Variants in TG observed in about 807,000 individuals in gnomAD.
The protein encoded by TG is thyroid hormones.
Under a neutral mutation model 324.7 loss-of-function variants are expected in TG, and 270 were observed. The ratio of observed to expected loss-of-function variants is 0.83; its 90% CI spans 0.75 to 0.92. The LOEUF (loss-of-function observed/expected upper bound fraction) is 0.92. Among genes scored for constraint, TG ranks in the 40% least tolerant of loss-of-function variants. The probability of loss-of-function intolerance (pLI) is 0.00; values close to 1 mark genes in which losing one functional copy is unlikely to be tolerated. For missense variants in TG, 3,591 were observed against 3,456.4 expected (o/e 1.04, Z -0.98); for synonymous variants, 1,401 against 1,327.0 (o/e 1.06, Z -1.21).
At chr8:133,110,676 A>T (rs1382990075) in intron 43 of TG, among the ~76,000 whole-genome samples, 1 of 152,218 alleles carries the variant, frequency 6.6e-6, no homozygotes, top group Non-Finnish European at 1.5e-5. Context: ...TCAAAACGTT[A>T]TTTCTAATTC....
intron 16 of TG, 73 bp from the exon 17 acceptor site, chr8:132,906,615 C>T: frequency 2.6e-6 from 4 of 1,561,062 alleles, no homozygotes; most frequent in Non-Finnish European, 3.5e-6. Flanking sequence ...GAAGGAGACA[C>T]CCACAAGCAG....
In TG at chr8:132,888,464, T is replaced by G. The variant is rs773236731; in HGVS notation, c.2657T>G (p.Phe886Cys). The G allele has an allele frequency of 8.7e-6, 14 of 1,611,424 alleles. No individual in the cohort carries two copies. The highest frequency in any genetic ancestry group is 1.0e-5 in the Non-Finnish European group (12 of 1,178,492). ...LSQYPGSYSD[F>C]STPLAHFDLR... ...CAATACCCGGGGTCCTACTCAGACTTCAGCACTCCTTTGGCACATTTTGAT... is the reference window on the plus strand; with the variant it reads ...CAATACCCGGGGTCCTACTCAGACTGCAGCACTCCTTTGGCACATTTTGAT... Residue 886 changes from phenylalanine (F) to cysteine (C), a missense_variant, in exon 10 of 48, where the codon TTC becomes TGC. Coordinates refer to ENST00000220616, the MANE Select transcript of TG (RefSeq NM_003235.5).
intron 25 of TG, among the ~76,000 whole-genome samples, chr8:132,941,148 C>T (rs1485924675): frequency 6.6e-6 from 1 of 152,210 alleles, no homozygotes; most frequent in Admixed American, 6.5e-5. Flanking sequence ...GGGTTTGGGG[C>T]CATGGCCTTG....
At chr8:133,031,954 T>G (rs1294248828) in intron 41 of TG, among the ~76,000 whole-genome samples, 1 of 152,172 alleles carries the variant, frequency 6.6e-6, no homozygotes. Flanking sequence ...CTATGCAGCA[T>G]TCACCAGGAT....
At chr8:132,912,036 C>T (rs1223036429) in intron 19 of TG, among the ~76,000 whole-genome samples, 3 of 152,270 alleles carry the variant, frequency 2.0e-5, no homozygotes, top group Admixed American at 6.5e-5. Context: ...GGAAAGAGCC[C>T]GTACATTTCT....
intron 34 of TG, among the ~76,000 whole-genome samples, chr8:132,979,513 C>A (rs1830567690): frequency 6.6e-6 from 1 of 152,184 alleles, no homozygotes; most frequent in Non-Finnish European, 1.5e-5. Flanking sequence ...ACTGTAGAAT[C>A]TATTCTTTAT....
intron 41 of TG, among the ~76,000 whole-genome samples, chr8:133,053,443 C>T (rs752881154): frequency 5.9e-5 from 9 of 152,190 alleles, no homozygotes; most frequent in Non-Finnish European, 1.3e-4. Context: ...CCCTTAAATA[C>T]AGCTGTCAAG....
chr8:132,916,032 G>A (rs1418920479), intron 20 of TG, among the ~76,000 whole-genome samples: 1 of 152,136 alleles, frequency 6.6e-6, no homozygotes, highest in Non-Finnish European at 1.5e-5. Flanking sequence ...CAGAGACTCA[G>A]GTGTTATTAA....
rs145305720 is a variant in TG at position 132,880,573 on chromosome 8, G to T, written c.639-1290G>T. Among the ~76,000 whole-genome samples, 249 of 152,200 alleles carry T rather than the reference G, an allele frequency of 1.6e-3. 2 individuals carry two copies. The highest frequency in any genetic ancestry group is 5.6e-3 in the African/African-American group (231 of 41,530). On this transcript the variant is annotated intron_variant, in intron 5 of 47. Coordinates refer to ENST00000220616, the MANE Select transcript of TG (RefSeq NM_003235.5). Reference sequence around the variant, plus strand: ...ACATACACAGAACAATAGATTAATAGCATGGAAAAAAACCTCATCCATAAT... The same window carrying T: ...ACATACACAGAACAATAGATTAATATCATGGAAAAAAACCTCATCCATAAT...
Position 132,923,320 on chromosome 8 carries a change from T to A in TG, c.4529-18T>A. The A allele has an allele frequency of 6.2e-7, 1 of 1,613,908 alleles. No homozygotes were observed. Among genetic ancestry groups the A allele is most frequent in the Non-Finnish European group, 8.5e-7 (1 of 1,179,940 alleles). On this transcript the variant is annotated intron_variant, in intron 21 of 47. Coordinates refer to ENST00000220616, the MANE Select transcript of TG (RefSeq NM_003235.5). ...CAGAGGCCCATTATTGACGGCTATG[T>A]CAATCTATTGGTTCTAGGTGTCACT... is the stretch of plus-strand genomic sequence containing the variant.
At chr8:132,924,292 T>C (rs1821515622) in intron 22 of TG, among the ~76,000 whole-genome samples, 1 of 152,140 alleles carries the variant, frequency 6.6e-6, no homozygotes, top group Non-Finnish European at 1.5e-5. Flanking sequence ...GCAGTAATGC[T>C]CACTCTCCCA....
At chr8:132,961,201 T>C in intron 28 of TG, 128 bp downstream of exon 28, 1 of 952,898 alleles carries the variant, frequency 1.0e-6, no homozygotes, top group African/African-American at 1.6e-5. Flanking sequence ...TCCAAATGCA[T>C]ACTTTCTGTG....
intron 41 of TG, among the ~76,000 whole-genome samples, chr8:133,053,937 A>G (rs747162440): frequency 6.6e-6 from 1 of 152,142 alleles, no homozygotes; most frequent in Non-Finnish European, 1.5e-5. Context: ...GATCCTTTGC[A>G]AGAGATTTCA....
intron 35 of TG, among the ~76,000 whole-genome samples, chr8:133,009,907 C>T (rs996314866): frequency 1.3e-5 from 2 of 152,012 alleles, no homozygotes; most frequent in Non-Finnish European, 2.9e-5. Flanking sequence ...GTTATAGCAG[C>T]TTGAGCAACC....
rs1422023744 is a variant in TG at position 133,001,762 on chromosome 8, G to T, written c.6263-10139G>T. 1.2e-5 allele frequency: 12 copies of T among 985,292 alleles called. No individual in the cohort carries two copies. In the Admixed American group the frequency reaches 7.4e-4, roughly 61 times the overall value. 61.0% of individuals were successfully genotyped at this position (985,292 alleles called of 1,614,324 possible). A position where few individuals can be genotyped will look rare whatever the true frequency, so the allele number is the denominator to read the frequency against. On this transcript the variant is annotated intron_variant, in intron 35 of 47. Coordinates refer to ENST00000220616, the MANE Select transcript of TG (RefSeq NM_003235.5). Reference sequence around the variant, plus strand: ...GGCAGCTTCCAGTCACTTCTATTCTGCTTATCACAGGGATCATGAAGGTTT... The same window carrying T: ...GGCAGCTTCCAGTCACTTCTATTCTTCTTATCACAGGGATCATGAAGGTTT...
intron 43 of TG, chr8:133,102,252 A>G: frequency 3.3e-6 from 1 of 307,284 alleles, no homozygotes. Flanking sequence ...TAGTAAACAC[A>G]AATGCATGCT....
At position 132,886,854 on chromosome 8, in the gene TG, A is replaced by G. The variant is rs948503932; in HGVS notation, c.1482A>G (p.Thr494=). Residue 494 remains threonine (T), a synonymous_variant, in exon 9 of 48, where the codon ACA becomes ACG. Coordinates refer to ENST00000220616, the MANE Select transcript of TG (RefSeq NM_003235.5). ...CTGGAGCCCTTGGCACAAGAGGCAC[A>G]TTTAACTTCAGTCAATTTTTCCAGC... The part of the protein sequence containing the change: ...NLSGALGTRG[T]FNFSQFFQQL... The G allele has an allele frequency of 9.9e-6, 16 of 1,614,204 alleles. No individual in the cohort carries two copies. The highest frequency in any genetic ancestry group is 1.4e-5 in the Non-Finnish European group (16 of 1,180,042).
chr8:133,043,674 C>T (rs990562255), intron 41 of TG, among the ~76,000 whole-genome samples: 1 of 152,174 alleles, frequency 6.6e-6, no homozygotes, highest in Non-Finnish European at 1.5e-5. Flanking sequence ...ACCTGCCTCT[C>T]CTGAGCAGCC....
chr8:133,068,498 T>C (rs1387552712), intron 41 of TG, among the ~76,000 whole-genome samples: 1 of 152,264 alleles, frequency 6.6e-6, no homozygotes. Flanking sequence ...TTCCATTCTT[T>C]ATTAAGTCAC....
Sources: gnomAD v4.1 joint callset for allele counts (sites outside exome capture counted in the v4.1 genomes callset) on GRCh38, gnomAD v4.1.1 for gene constraint, MANE v1.5 for transcripts, NCBI Gene and HGNC (gene_info 2026-07-23, HGNC 2026-07-21) for gene names.